The following COL15A1 variants were observed in gnomAD, a reference collection of about 807,000 sequenced individuals.
COL15A1 encodes the protein collagen alpha-1(XV) chain.
In COL15A1, 111 loss-of-function variants were observed where a neutral mutation model predicts 165.9. The observed-to-expected ratio is 0.67, with a 90% CI of 0.57 to 0.78. COL15A1 has a LOEUF of 0.78. COL15A1 is among the 30% of genes least tolerant of loss of function. The pLI is 0.00. For missense variants in COL15A1, 1,745 were observed against 1,789.7 expected, an observed-to-expected ratio of 0.98 and a Z score of 0.45; for synonymous variants, 659 against 674.8, an observed-to-expected ratio of 0.98 and a Z score of 0.36.
At chr9:98,981,561 A>C (rs543172823) in intron 2 of COL15A1, among the ~76,000 whole-genome samples, 1 of 152,384 alleles carries the variant, frequency 6.6e-6, no homozygotes, top group African/African-American at 2.4e-5. Flanking sequence ...TTTCAGAAGA[A>C]TGTGTGCATC....
rs751539613 is a variant in COL15A1, at chr9:99,070,639, A to G, written c.*753A>G. 1 of 453,370 alleles carries G rather than the reference A, an allele frequency of 2.2e-6. No homozygotes were observed. Among genetic ancestry groups the G allele is most frequent in the Non-Finnish European group, 4.4e-6 (1 of 225,742 alleles). The allele number at this position is 453,370 out of a possible 1,614,324, so 28.1% of individuals were successfully genotyped here. A position where few individuals can be genotyped will look rare whatever the true frequency, so the allele number is the denominator to read the frequency against. On this transcript the variant is annotated 3_prime_UTR_variant, in exon 42 of 42. Transcript: ENST00000375001. ...CCCACCCCACAATTTTATGACTTCCATTTGGCAATTGTTGAATTATAACTG... is the reference window on the plus strand; with the variant it reads ...CCCACCCCACAATTTTATGACTTCCGTTTGGCAATTGTTGAATTATAACTG...
intron 4 of COL15A1, 93 bp from the exon 5 acceptor site, chr9:98,989,085 C>T (rs1203092166): frequency 2.9e-5 from 24 of 832,620 alleles, no homozygotes; most frequent in Middle Eastern, 3.0e-4. Flanking sequence ...GTAGGAGAGT[C>T]GGTTTGTCAG....
chr9:99,048,054 G>A (rs1839523162), intron 28 of COL15A1, 54 bp downstream of exon 28: 1 of 960,664 alleles, frequency 1.0e-6, no homozygotes. Context: ...GGGTGAGAGA[G>A]TGTGGGGTCC....
intron 22 of COL15A1, 136 bp downstream of exon 22, chr9:99,038,869 T>A (rs1217749826): frequency 3.4e-6 from 2 of 591,902 alleles, no homozygotes; most frequent in Admixed American, 5.9e-5. Context: ...GAAAGAAAGC[T>A]TTGCATTTTT....
intron 9 of COL15A1, among the ~76,000 whole-genome samples, chr9:99,005,626 A>G (rs1298221322): frequency 3.9e-5 from 6 of 152,182 alleles, no homozygotes; most frequent in African/African-American, 1.4e-4. Flanking sequence ...GAATGGGACC[A>G]TCATCCTCCA....
intron 2 of COL15A1, among the ~76,000 whole-genome samples, chr9:98,950,396 C>A (rs1837660093): frequency 6.6e-6 from 1 of 152,132 alleles, no homozygotes; most frequent in Non-Finnish European, 1.5e-5. Context: ...AAAATGGCAT[C>A]TCATTGTGGT....
At position 99,024,293 on chromosome 9, in the gene COL15A1, T is replaced by G. The variant is rs975315818; in HGVS notation, c.1855-581T>G. 6.1e-5 allele frequency among the ~76,000 whole-genome samples: 9 copies of G among 147,052 alleles called. 1 individual carries two copies. Among genetic ancestry groups the G allele is most frequent in the South Asian group, 2.2e-4 (1 of 4,572 alleles). ...GTTTTTTTTGTTTTTTTGTTTTTTT[T>G]TTTTTGAGATGGAGTCTTGCTCTGT... On this transcript the variant is annotated intron_variant, in intron 14 of 41. Coordinates refer to ENST00000375001, the MANE Select transcript of COL15A1 (RefSeq NM_001855.5).
In COL15A1 at chr9:99,049,314, C is replaced by G. The variant is rs918029500; in HGVS notation, c.2794-376C>G. 2.0e-5 allele frequency among the ~76,000 whole-genome samples: 3 copies of G among 152,188 alleles called. No homozygotes were observed. The East Asian group carries it at 5.8e-4, about 29-fold the overall frequency. On this transcript the variant is annotated intron_variant, in intron 28 of 41. Coordinates refer to ENST00000375001, the MANE Select transcript of COL15A1 (RefSeq NM_001855.5). Reference sequence around the variant, plus strand: ...GGGACCCCCACAGTCCATTCCCACCCGTATACTGGGAATGCACTGATAGGG... The same window carrying G: ...GGGACCCCCACAGTCCATTCCCACCGGTATACTGGGAATGCACTGATAGGG...
intron 2 of COL15A1, among the ~76,000 whole-genome samples, chr9:98,951,371 T>C (rs972768016): frequency 1.3e-5 from 2 of 152,178 alleles, no homozygotes; most frequent in African/African-American, 2.4e-5. Flanking sequence ...TCATGATGCT[T>C]CCTAGTATAA....
In COL15A1 at chr9:99,016,086, G is replaced by A; in HGVS notation, c.1614G>A (p.Leu538=). Residue 538 remains leucine (L), a synonymous_variant, in exon 11 of 42, where the codon CTG becomes CTA. Coordinates refer to ENST00000375001, the MANE Select transcript of COL15A1 (RefSeq NM_001855.5). ...SPPPDGPPLP[L]PTVAPERWIT... is the part of the protein sequence containing the mutation. ...CCCCTGATGGGCCACCGCTGCCCCTGCCCACAGTGGCTCCTGAAAGATGGA... is the reference window on the plus strand; with the variant it reads ...CCCCTGATGGGCCACCGCTGCCCCTACCCACAGTGGCTCCTGAAAGATGGA... The A allele has an allele frequency of 6.2e-7, 1 of 1,613,152 alleles. No homozygotes were observed. The highest frequency in any genetic ancestry group is 8.5e-7 in the Non-Finnish European group (1 of 1,179,582).
intron 7 of COL15A1, among the ~76,000 whole-genome samples, chr9:99,001,801 T>C (rs955283360): frequency 6.6e-6 from 1 of 152,206 alleles, no homozygotes; most frequent in African/African-American, 2.4e-5. Flanking sequence ...AATTGTGATC[T>C]GGGCTTTTGG....
rs1303851100 is a variant in COL15A1 at position 99,029,320 on chromosome 9, CACTGAGCTGCCAA to C, written c.2043+3359_2043+3371del. On this transcript the variant is annotated intron_variant, in intron 16 of 41. Coordinates refer to ENST00000375001, the MANE Select transcript of COL15A1 (RefSeq NM_001855.5). ...GCCAGTAATTGCCTTTGAGTAATTTCACTGAGCTGCCAAACTGTCATTGTAAAATCAGCTTCTG... is the reference window on the plus strand; with the variant it reads ...GCCAGTAATTGCCTTTGAGTAATTTCACTGTCATTGTAAAATCAGCTTCTG... 5.3e-5 allele frequency among the ~76,000 whole-genome samples: 8 copies of C among 152,360 alleles called. No individual in the cohort carries two copies. The South Asian group carries it at 1.0e-3, about 20-fold the overall frequency.
At chr9:99,004,789 G>A in intron 8 of COL15A1, 109 bp from the exon 9 acceptor site, 1 of 1,215,238 alleles carries the variant, frequency 8.2e-7, no homozygotes, top group Non-Finnish European at 1.2e-6. Flanking sequence ...GTGAAGTGAG[G>A]TCTTGGTGTG....
rs1283788071 is a variant in COL15A1, at chr9:99,020,579, A to AC, written c.1701+138dup. ...AGAGGGCTAAGCCCAAAAGAAATGGACTTGTAGGTCTGGGAGAATCAGGAA... is the reference window on the plus strand; with the variant it reads ...AGAGGGCTAAGCCCAAAAGAAATGGACCTTGTAGGTCTGGGAGAATCAGGAA... On this transcript the variant is annotated intron_variant, in intron 12 of 41. Transcript: ENST00000375001. 2.0e-5 allele frequency: 13 copies of AC among 647,062 alleles called. No homozygotes were observed. The Admixed American group carries it at 3.0e-4, about 15-fold the overall frequency. 40.1% of individuals were successfully genotyped at this position (647,062 alleles called of 1,614,324 possible).
At chr9:98,953,392 C>T (rs1267859969) in intron 2 of COL15A1, among the ~76,000 whole-genome samples, 1 of 152,142 alleles carries the variant, frequency 6.6e-6, no homozygotes, top group Admixed American at 6.6e-5. Flanking sequence ...CTAATGAATG[C>T]AGCCCACTCT....
chr9:99,058,238 G>A (rs966098398), intron 35 of COL15A1, among the ~76,000 whole-genome samples: 6 of 152,210 alleles, frequency 3.9e-5, no homozygotes, highest in Admixed American at 3.9e-4. Flanking sequence ...CTGGGATGGG[G>A]AAGTCCTAGA....
At chr9:99,015,334 C>A in intron 9 of COL15A1, 83 bp from the exon 10 acceptor site, 1 of 893,884 alleles carries the variant, frequency 1.1e-6, no homozygotes, top group Non-Finnish European at 1.8e-6. Context: ...GAGGCTTTAG[C>A]GCTTTCCACC....
Position 98,985,827 on chromosome 9 carries a change from C to A in COL15A1, c.363C>A (p.Gly121=), listed in dbSNP as rs1253377368. The A allele has an allele frequency of 1.2e-6, 2 of 1,613,848 alleles. No homozygotes were observed. Among genetic ancestry groups the A allele is most frequent in the African/African-American group, 1.3e-5 (1 of 74,948 alleles). The change falls in exon 3 of 42, where the codon GGC becomes GGA. Residue 121 remains glycine, a synonymous_variant. Transcript: ENST00000375001. The part of the protein sequence containing the change: ...TDAFQKVIYL[G]LRLSGVEDGH... The stretch of plus-strand genomic sequence containing the variant: ...CCTTCCAGAAGGTCATCTACCTGGG[C>A]CTGCGGCTCTCAGGTGTGGAGGACG...
At chr9:98,954,961 G>A (rs986025319) in intron 2 of COL15A1, among the ~76,000 whole-genome samples, 7 of 152,222 alleles carry the variant, frequency 4.6e-5, no homozygotes, top group South Asian at 2.1e-4. Flanking sequence ...GCACATGTCT[G>A]TGGAAGGGCT....
Sources: allele counts gnomAD v4.1 joint callset (sites outside exome capture counted in the v4.1 genomes callset), GRCh38; gene constraint gnomAD v4.1.1; transcripts MANE v1.5; gene names NCBI Gene and HGNC (gene_info 2026-07-23, HGNC 2026-07-21).